FMN2: variants seen among roughly 807,000 people sequenced by gnomAD.
FMN2 encodes formin 2.
In FMN2, 51 loss-of-function variants were observed where a neutral mutation model predicts 142.3. The ratio of observed to expected loss-of-function variants is 0.36; its 90% CI spans 0.29 to 0.45. The LOEUF is 0.45. Among genes scored for constraint, FMN2 ranks in the 20% least tolerant of loss-of-function variants. The probability of loss-of-function intolerance (pLI) is 1.00; values close to 1 mark genes in which losing one functional copy is unlikely to be tolerated. For missense variants in FMN2, 1,936 were observed against 2,122.8 expected (o/e 0.91, Z 1.73); for synonymous variants, 882 against 869.8 (o/e 1.01, Z -0.25).
Position 240,355,381 on chromosome 1 carries a change from CTGA to C in FMN2, c.4766-426_4766-424del, listed in dbSNP as rs1040753237. Among the ~76,000 whole-genome samples the C allele has an allele frequency of 2.4e-4, 37 of 152,022 alleles. 1 individual carries two copies. Among genetic ancestry groups the C allele is most frequent in the African/African-American group, 8.9e-4 (37 of 41,362 alleles). On this transcript the variant is annotated intron_variant, in intron 13 of 17. Coordinates refer to ENST00000319653, the MANE Select transcript of FMN2 (RefSeq NM_020066.5). ...AACTTTTATTATAAGTCAGTTGATA[CTGA>C]TGATGATGGTGATGATGATAGAAAA... is the stretch of plus-strand genomic sequence containing the variant.
chr1:240,437,292 C>CTT lies in FMN2; in HGVS notation c.4911-751_4911-750dup, dbSNP rs10649766. On this transcript the variant is annotated intron_variant, in intron 15 of 17. Coordinates refer to ENST00000319653, the MANE Select transcript of FMN2 (RefSeq NM_020066.5). ...TAGGAGACTTTGTCAGCATCTCTTG[C>CTT]TTTTTTTTTTTTTTTTTTTGAGACG... 9.0e-3 allele frequency among the ~76,000 whole-genome samples: 1,054 copies of CTT among 117,346 alleles called. 32 individuals carry two copies. The highest frequency in any genetic ancestry group is 0.03 in the African/African-American group (858 of 28,978). The allele number at this position is 117,346 out of a possible 152,430, so 77.0% of individuals were successfully genotyped here.
chr1:240,301,257 C>G (rs935999275), intron 8 of FMN2, among the ~76,000 whole-genome samples: 3 of 151,150 alleles, frequency 2.0e-5, no homozygotes, highest in Non-Finnish European at 4.4e-5. Flanking sequence ...CTTTTATACT[C>G]TACTTAGATA....
In FMN2 at chr1:240,092,178, C is replaced by T; in HGVS notation, c.69C>T (p.Ala23=). 6.3e-7 allele frequency: 1 copy of T among 1,578,532 alleles called. No homozygotes were observed. The change falls in exon 1 of 18, where the codon GCC becomes GCT. Residue 23 remains alanine (A), a synonymous_variant. Coordinates refer to ENST00000319653, the MANE Select transcript of FMN2 (RefSeq NM_020066.5). ...GDALHEGGGG[A]EDALGPRDVE... ...CTTTGCACGAAGGCGGCGGTGGCGCCGAGGATGCGCTGGGGCCCAGGGATG... is the reference window on the plus strand; with the variant it reads ...CTTTGCACGAAGGCGGCGGTGGCGCTGAGGATGCGCTGGGGCCCAGGGATG...
At chr1:240,438,310 A>C in intron 16 of FMN2, 100 bp downstream of exon 16, 2 of 1,287,596 alleles carry the variant, frequency 1.6e-6, no homozygotes, top group Non-Finnish European at 2.1e-6. Flanking sequence ...AAAAAATTAG[A>C]TGGCCCTCAA....
intron 16 of FMN2, chr1:240,471,657 T>A (rs898803436): frequency 6.5e-6 from 1 of 152,808 alleles, no homozygotes; most frequent in African/African-American, 2.4e-5. Flanking sequence ...ATTACAGGCA[T>A]GAGCCACCGC....
In FMN2 at chr1:240,329,459, A is replaced by G. The variant is rs775389609; in HGVS notation, c.4428A>G (p.Lys1476=). The change falls in exon 10 of 18, where the codon AAA becomes AAG. Residue 1476 remains lysine, a synonymous_variant. Transcript: ENST00000319653. The stretch of plus-strand genomic sequence containing the variant: ...GTCGCAAACTGGAATTACTACAGAA[A>G]TTGTGTGAGGTGAGTTCTGGTCCAA... The part of the protein sequence containing the change: ...SIRRKLELLQ[K]LCETLKNGPG... The G allele has an allele frequency of 1.9e-6, 3 of 1,613,864 alleles. No individual in the cohort carries two copies. Among genetic ancestry groups the G allele is most frequent in the Admixed American group, 3.3e-5 (2 of 59,968 alleles).
rs963398856 is a variant in FMN2, at chr1:240,414,940, A to T, written c.4910+22378A>T. 1.2e-4 allele frequency among the ~76,000 whole-genome samples: 19 copies of T among 152,232 alleles called. 1 individual carries two copies. Among genetic ancestry groups the T allele is most frequent in the African/African-American group, 4.6e-4 (19 of 41,458 alleles). ...ACTTGCTTGTCTAGGATAACTTTAT[A>T]CATCTTTCTGAAAATTGCATTTGAG... On this transcript the variant is annotated intron_variant, in intron 15 of 17. Transcript: ENST00000319653.
intron 15 of FMN2, among the ~76,000 whole-genome samples, chr1:240,421,634 G>T (rs188987435): frequency 2.0e-5 from 3 of 152,138 alleles, no homozygotes; most frequent in Non-Finnish European, 4.4e-5. Context: ...TGTGGGTTTG[G>T]CCTGGCAATA....
In FMN2 at chr1:240,437,586, G is replaced by A. The variant is rs781688379; in HGVS notation, c.4911-475G>A. Among the ~76,000 whole-genome samples the A allele has an allele frequency of 3.3e-5, 5 of 152,154 alleles. No individual in the cohort carries two copies. In the East Asian group the frequency reaches 5.8e-4, roughly 18 times the overall value. On this transcript the variant is annotated intron_variant, in intron 15 of 17. Transcript: ENST00000319653. ...CAAAGTGCTGGGATTACAGGCGTGAGCCACCGCGCCGGGCTGGGACTCTTG... is the reference window on the plus strand; with the variant it reads ...CAAAGTGCTGGGATTACAGGCGTGAACCACCGCGCCGGGCTGGGACTCTTG...
At chr1:240,375,119 A>G (rs1396975649) in intron 14 of FMN2, among the ~76,000 whole-genome samples, 2 of 152,206 alleles carry the variant, frequency 1.3e-5, no homozygotes, top group African/African-American at 4.8e-5. Flanking sequence ...GAGAACACGA[A>G]CAGTATTTAT....
intron 2 of FMN2, among the ~76,000 whole-genome samples, chr1:240,126,370 C>T (rs572888238): frequency 1.3e-5 from 2 of 151,364 alleles, no homozygotes; most frequent in Admixed American, 6.6e-5. Context: ...ACCTACCCCC[C>T]CCCACTTTGT....
At chr1:240,390,323 T>G (rs1673562626) in intron 14 of FMN2, among the ~76,000 whole-genome samples, 1 of 152,236 alleles carries the variant, frequency 6.6e-6, no homozygotes, top group Non-Finnish European at 1.5e-5. Context: ...CTATTAGGTT[T>G]GGTAAGAAGC....
intron 13 of FMN2, among the ~76,000 whole-genome samples, chr1:240,353,272 C>T (rs995277656): frequency 6.6e-6 from 1 of 152,222 alleles, no homozygotes; most frequent in African/African-American, 2.4e-5. Context: ...AGGCATTTTA[C>T]ACTCATAGTG....
chr1:240,365,855 A>G (rs568959812), intron 14 of FMN2, among the ~76,000 whole-genome samples: 1 of 152,288 alleles, frequency 6.6e-6, no homozygotes, highest in African/African-American at 2.4e-5. Context: ...TACTTAACAC[A>G]TGTATTTTCT....
At chr1:240,187,507 G>A (rs1469158209) in intron 3 of FMN2, among the ~76,000 whole-genome samples, 1 of 152,062 alleles carries the variant, frequency 6.6e-6, no homozygotes, top group African/African-American at 2.4e-5. Flanking sequence ...GATTCATGGA[G>A]CATGAGGAAT....
At position 240,341,071 on chromosome 1, in the gene FMN2, G is replaced by T. The variant is rs540657423; in HGVS notation, c.4765+6842G>T. On this transcript the variant is annotated intron_variant, in intron 13 of 17. Transcript: ENST00000319653. ...TTCCACCTTTTGCTATTATCTTCAT[G>T]CATTCCTCAACATTATCTTCTAATT... 2.0e-5 allele frequency among the ~76,000 whole-genome samples: 3 copies of T among 152,096 alleles called. No homozygotes were observed. In the East Asian group the frequency reaches 5.8e-4, roughly 29 times the overall value.
At chr1:240,343,470 G>T (rs150792350) in intron 13 of FMN2, among the ~76,000 whole-genome samples, 4 of 152,118 alleles carry the variant, frequency 2.6e-5, no homozygotes, top group Non-Finnish European at 5.9e-5. Context: ...GGTTCACTGC[G>T]CAGAACCCTT....
At chr1:240,221,565 G>C (rs1023233210) in intron 6 of FMN2, among the ~76,000 whole-genome samples, 1 of 151,878 alleles carries the variant, frequency 6.6e-6, no homozygotes, top group Non-Finnish European at 1.5e-5. Context: ...TGATGGGATT[G>C]TTTGTTTGTT....
Position 240,324,813 on chromosome 1 carries a change from A to G in FMN2, c.4216-4263A>G, listed in dbSNP as rs1031149277. ...TGCATCAAAAAAAAAAATTGAAAAC[A>G]AAACTGTAGCTGTACTACGTTATAG... On this transcript the variant is annotated intron_variant, in intron 8 of 17. Coordinates refer to ENST00000319653, the MANE Select transcript of FMN2 (RefSeq NM_020066.5). Among the ~76,000 whole-genome samples the G allele has an allele frequency of 3.9e-5, 6 of 152,160 alleles. No homozygotes were observed. The South Asian group carries it at 1.2e-3, about 31-fold the overall frequency.
Sources: allele counts gnomAD v4.1 joint callset (sites outside exome capture counted in the v4.1 genomes callset), GRCh38; gene constraint gnomAD v4.1.1; transcripts MANE v1.5; gene names NCBI Gene and HGNC (gene_info 2026-07-23, HGNC 2026-07-21).